Variants in FHDC1 observed in about 807,000 individuals in gnomAD.
FHDC1 encodes the protein FH2 domain-containing protein 1.
A neutral mutation model predicts 52.6 loss-of-function variants in FHDC1; 25 were observed. That is an observed-to-expected ratio of 0.48 (90% CI 0.35 to 0.66). The LOEUF is 0.66. FHDC1 is among the 30% of genes least tolerant of loss of function. The pLI is 0.01. For missense variants in FHDC1, 1,459 were observed against 1,452.8 expected (o/e 1.00, Z -0.07); for synonymous variants, 616 against 581.5 (o/e 1.06, Z -0.85).
chr4:152,949,130 G>C (rs56060958), intron 2 of FHDC1, among the ~76,000 whole-genome samples: 1 of 45,332 alleles, frequency 2.2e-5, no homozygotes, highest in African/African-American at 7.8e-5. Context: ...ATAATAAGAA[G>C]AAGAAGAAGA....
At chr4:152,916,213 A>G in the FHDC1 span, among the ~76,000 whole-genome samples, 2 of 152,190 alleles carry the variant, frequency 1.3e-5, no homozygotes, top group African/African-American at 4.8e-5. Context: ...TAGCTATATA[A>G]GACATTTGAA....
chr4:152,972,289 A>C, intron 10 of FHDC1, 88 bp from the exon 11 acceptor site: 1 of 1,346,100 alleles, frequency 7.4e-7, no homozygotes, highest in Non-Finnish European at 1.0e-6. Context: ...ACCCCAGAGC[A>C]CGTCTTCTCT....
At chr4:152,957,970 C>A (rs191718697) in intron 4 of FHDC1, among the ~76,000 whole-genome samples, 1 of 152,180 alleles carries the variant, frequency 6.6e-6, no homozygotes, top group Admixed American at 6.5e-5. Flanking sequence ...TGGTGCTAGA[C>A]GTGGTAGAAA....
chr4:152,969,665 G>GTTT (rs535683350), intron 10 of FHDC1, among the ~76,000 whole-genome samples: 3 of 129,566 alleles, frequency 2.3e-5, no homozygotes, highest in Non-Finnish European at 3.3e-5. Flanking sequence ...TCTGGCAGTC[G>GTTT]TTTTTTTTTT....
At chr4:152,970,145 C>G (rs989656677) in intron 10 of FHDC1, among the ~76,000 whole-genome samples, 2 of 152,208 alleles carry the variant, frequency 1.3e-5, no homozygotes, top group Non-Finnish European at 2.9e-5. Context: ...AAGTGGGGAA[C>G]TCTTCAAGGA....
chr4:152,931,038 T>A, the FHDC1 span, among the ~76,000 whole-genome samples: 1 of 150,580 alleles, frequency 6.6e-6, no homozygotes, highest in Non-Finnish European at 1.5e-5. Context: ...TATTGTTGAT[T>A]GATTAGGTTT....
At chr4:152,972,824 G>T (rs1043163342) in intron 11 of FHDC1, among the ~76,000 whole-genome samples, 5 of 152,206 alleles carry the variant, frequency 3.3e-5, no homozygotes, top group African/African-American at 1.2e-4. Context: ...AGAGCATTTT[G>T]TTAGTAAAGT....
At chr4:152,962,952 T>C in intron 7 of FHDC1, 68 bp downstream of exon 7, 1 of 1,215,452 alleles carries the variant, frequency 8.2e-7, no homozygotes, top group East Asian at 2.4e-5. Flanking sequence ...TGTGTGTGTG[T>C]GTGTGTGTGT....
At chr4:152,968,634 C>T (rs1740540263) in intron 10 of FHDC1, among the ~76,000 whole-genome samples, 1 of 152,056 alleles carries the variant, frequency 6.6e-6, no homozygotes, top group South Asian at 2.1e-4. Context: ...CCAGCCCAAG[C>T]CTGATGTATT....
chr4:152,956,864 A>G (rs1255620626), intron 4 of FHDC1, among the ~76,000 whole-genome samples: 1 of 152,122 alleles, frequency 6.6e-6, no homozygotes, highest in Non-Finnish European at 1.5e-5. Context: ...CTCAACTGGG[A>G]GTTTCCTTCA....
intron 6 of FHDC1, 22 bp downstream of exon 6, chr4:152,960,866 C>G (rs374335444): frequency 6.6e-7 from 1 of 1,508,030 alleles, no homozygotes; most frequent in African/African-American, 1.4e-5. Context: ...TATGATCCTT[C>G]GCAGAATTTG....
rs374477527 is a variant in FHDC1, at chr4:152,964,888, T to A, written c.1030-17T>A. ...GTTTTATCAACATAGTGAGATAAAA[T>A]TCTGTTTTTGTTCCAGGAAGCCCAA... On this transcript the variant is annotated splice_polypyrimidine_tract_variant and intron_variant, in intron 8 of 11. Coordinates refer to ENST00000511601, the MANE Select transcript of FHDC1 (RefSeq NM_001371116.1). 1 of 1,600,778 alleles carries A rather than the reference T, an allele frequency of 6.2e-7. No individual in the cohort carries two copies. Among genetic ancestry groups the A allele is most frequent in the African/African-American group, 1.3e-5 (1 of 74,300 alleles).
At chr4:152,919,930 C>T in the FHDC1 span, among the ~76,000 whole-genome samples, 9 of 133,998 alleles carry the variant, frequency 6.7e-5, no homozygotes, top group African/African-American at 2.2e-4. Flanking sequence ...GAAGGCAATT[C>T]TGGTAGGGAA....
intron 2 of FHDC1, among the ~76,000 whole-genome samples, chr4:152,949,152 A>AAGAAGAAGAAGC (rs1739843243): frequency 7.0e-6 from 1 of 142,764 alleles, no homozygotes; most frequent in Non-Finnish European, 1.5e-5. Context: ...GAAGAAGAAG[A>AAGAAGAAGAAGC]AGAAGAAGAA....
the FHDC1 span, among the ~76,000 whole-genome samples, chr4:152,929,617 A>G: frequency 6.6e-6 from 1 of 152,144 alleles, no homozygotes; most frequent in Non-Finnish European, 1.5e-5. The surrounding 1 kb of genome is among the most constrained non-coding windows in gnomAD (Gnocchi z 4.1). Context: ...GAGTTCAGGG[A>G]TCACCAGAGA....
chr4:152,975,947 G>C lies in FHDC1; in HGVS notation c.2656G>C (p.Ala886Pro), dbSNP rs758448348. Residue 886 changes from alanine (A) to proline (P), a missense_variant, in exon 12 of 12, where the codon GCA (alanine) becomes CCA (proline). By Grantham distance (27) the Ala-to-Pro change is conservative. This residue lies in a region of FHDC1 where 939 missense variants were observed against 854.5 expected (regional missense o/e 1.10). Coordinates refer to ENST00000511601, the MANE Select transcript of FHDC1 (RefSeq NM_001371116.1). ...CGGGAGCGCCCGGCGGAGCCAGGGG[G>C]CAGTGGCCAAGTCTGTGCGGACCCT... is the stretch of plus-strand genomic sequence containing the variant. The part of the protein sequence containing the change: ...KPGSARRSQG[A>P]VAKSVRTLTA... 1.3e-6 allele frequency: 2 copies of C among 1,514,900 alleles called. No individual in the cohort carries two copies. The highest frequency in any genetic ancestry group is 4.5e-5 in the East Asian group (2 of 44,010). 93.8% of individuals were successfully genotyped at this position (1,514,900 alleles called of 1,614,324 possible).
Position 152,967,962 on chromosome 4 carries a change from T to C in FHDC1, c.1101-18T>C. The C allele has an allele frequency of 6.3e-7, 1 of 1,594,438 alleles. No individual in the cohort carries two copies. The highest frequency in any genetic ancestry group is 8.6e-7 in the Non-Finnish European group (1 of 1,165,102). On this transcript the variant is annotated intron_variant, in intron 9 of 11. Coordinates refer to ENST00000511601, the MANE Select transcript of FHDC1 (RefSeq NM_001371116.1). Reference sequence around the variant, plus strand: ...GCTTCCTTGTTCCAACTGCCCACTCTCCCCTTTCTTCTTTTAGATTATCTC... The same window carrying C: ...GCTTCCTTGTTCCAACTGCCCACTCCCCCCTTTCTTCTTTTAGATTATCTC...
chr4:152,947,232 GAAA>G (rs1240000645), intron 2 of FHDC1, among the ~76,000 whole-genome samples: 1 of 147,658 alleles, frequency 6.8e-6, no homozygotes, highest in Admixed American at 6.7e-5. Context: ...AAAAAAAAAA[GAAA>G]AAAAGACATT....
At chr4:152,926,984 A>G in the FHDC1 span, among the ~76,000 whole-genome samples, 1 of 152,370 alleles carries the variant, frequency 6.6e-6, no homozygotes, top group East Asian at 1.9e-4. Flanking sequence ...TCGGCTACTT[A>G]TCTAAGAATG....
Sources: gnomAD v4.1 joint callset for allele counts (sites outside exome capture counted in the v4.1 genomes callset) on GRCh38, gnomAD v4.1.1 for gene constraint, gnomAD v4.1.1 regional missense constraint, Gnocchi (gnomAD v3.1) non-coding constraint, MANE v1.5 for transcripts, NCBI Gene and HGNC (gene_info 2026-07-23, HGNC 2026-07-21) for gene names.